The following SLC2A9 variants were observed in gnomAD, a reference collection of about 807,000 sequenced individuals.
SLC2A9 encodes the protein solute carrier family 2 member 9.
A neutral mutation model predicts 50.6 loss-of-function variants in SLC2A9; 39 were observed. The ratio of observed to expected loss-of-function variants is 0.77; its 90% CI spans 0.60 to 1.01. The LOEUF (loss-of-function observed/expected upper bound fraction) is 1.01. SLC2A9 is among the 50% of genes least tolerant of loss of function. The probability of loss-of-function intolerance (pLI) is 0.00; values close to 1 mark genes in which losing one functional copy is unlikely to be tolerated. For missense variants in SLC2A9, 686 were observed against 677.6 expected, an observed-to-expected ratio of 1.01 and a Z score of -0.14; for synonymous variants, 324 against 276.9, an observed-to-expected ratio of 1.17 and a Z score of -1.69.
At chr4:9,891,827 G>A (rs1223567748) in intron 8 of SLC2A9, among the ~76,000 whole-genome samples, 1 of 152,190 alleles carries the variant, frequency 6.6e-6, no homozygotes, top group Non-Finnish European at 1.5e-5. Flanking sequence ...AGGTTTTGGG[G>A]CTGGATGGTC....
intron 5 of SLC2A9, among the ~76,000 whole-genome samples, chr4:9,976,599 A>G (rs1578155604): frequency 6.6e-6 from 1 of 152,168 alleles, no homozygotes. Flanking sequence ...AGGGTTCCTC[A>G]CCCATCTTCC....
intron 5 of SLC2A9, among the ~76,000 whole-genome samples, chr4:9,963,108 A>G (rs957991288): frequency 6.6e-6 from 1 of 152,232 alleles, no homozygotes; most frequent in Non-Finnish European, 1.5e-5. Context: ...AATCATGGCC[A>G]AAGGCAAAGA....
intron 7 of SLC2A9, 58 bp downstream of exon 7, chr4:9,920,327 T>TC: frequency 6.3e-7 from 1 of 1,596,850 alleles, no homozygotes; most frequent in South Asian, 1.1e-5. Flanking sequence ...GCCCTGAACC[T>TC]CCCCACCCTC....
chr4:9,964,015 C>G (rs1230684356), intron 5 of SLC2A9, among the ~76,000 whole-genome samples: 2 of 152,082 alleles, frequency 1.3e-5, no homozygotes, highest in African/African-American at 4.8e-5. Context: ...GAGCCTGGAG[C>G]CAGGTCATAC....
chr4:9,991,954 G>C (rs2109232689), intron 3 of SLC2A9, among the ~76,000 whole-genome samples: 1 of 152,334 alleles, frequency 6.6e-6, no homozygotes, highest in Middle Eastern at 3.4e-3. Flanking sequence ...TACACTGAAG[G>C]CTCCTCCAGC....
intron 3 of SLC2A9, among the ~76,000 whole-genome samples, chr4:9,790,590 T>C (rs1719783570): frequency 6.6e-6 from 1 of 152,162 alleles, no homozygotes; most frequent in Admixed American, 6.5e-5. Flanking sequence ...ATGATTTCTA[T>C]TAGGAGTTTG....
At chr4:9,845,304 C>T (rs938231227) in intron 10 of SLC2A9, among the ~76,000 whole-genome samples, 3 of 151,690 alleles carry the variant, frequency 2.0e-5, no homozygotes, top group East Asian at 1.9e-4. Flanking sequence ...TGAGCCACCA[C>T]GCCCAGCCAA....
At chr4:9,967,046 T>C (rs1753158090) in intron 5 of SLC2A9, among the ~76,000 whole-genome samples, 1 of 152,230 alleles carries the variant, frequency 6.6e-6, no homozygotes. Context: ...CACTTGCTTA[T>C]TCTCTTGTGG....
At chr4:10,017,594 A>G (rs1380693615) in intron 2 of SLC2A9, among the ~76,000 whole-genome samples, 1 of 152,250 alleles carries the variant, frequency 6.6e-6, no homozygotes, top group African/African-American at 2.4e-5. Flanking sequence ...GCACCTCTGC[A>G]AAATTCCAGG....
chr4:9,905,566 C>T (rs1038951760), intron 8 of SLC2A9, among the ~76,000 whole-genome samples: 2 of 152,198 alleles, frequency 1.3e-5, no homozygotes, highest in Non-Finnish European at 2.9e-5. Context: ...AGTCATTTAC[C>T]CTCCTTTCTG....
chr4:9,897,257 C>T (rs1054750887), intron 8 of SLC2A9, among the ~76,000 whole-genome samples: 1 of 152,152 alleles, frequency 6.6e-6, no homozygotes, highest in Non-Finnish European at 1.5e-5. Context: ...AGTTTTTCTC[C>T]CTTCATTTGT....
At chr4:9,840,210 C>G (rs1051724906) in intron 10 of SLC2A9, among the ~76,000 whole-genome samples, 1 of 152,102 alleles carries the variant, frequency 6.6e-6, no homozygotes, top group Non-Finnish European at 1.5e-5. Flanking sequence ...AAGATACTAA[C>G]AAAACTTAAA....
Position 9,888,171 on chromosome 4 carries a change from G to A in SLC2A9, c.1216-529C>T, listed in dbSNP as rs573504261. 2.3e-3 allele frequency among the ~76,000 whole-genome samples: 354 copies of A among 151,690 alleles called. 13 individuals are homozygous for A. Among genetic ancestry groups the A allele is most frequent in the Admixed American group, 0.023 (350 of 15,202 alleles). On this transcript the variant is annotated intron_variant, in intron 9 of 11. Coordinates refer to ENST00000264784, the MANE Select transcript of SLC2A9 (RefSeq NM_020041.3). ...ATTAGGAGAAACACCTAATGTAGATGATGGGTTGATGGGTGCAGCCAACCA... is the reference window on the plus strand; with the variant it reads ...ATTAGGAGAAACACCTAATGTAGATAATGGGTTGATGGGTGCAGCCAACCA...
In SLC2A9 at chr4:9,799,696, C is replaced by CA. The variant is rs1721098164; in HGVS notation, n.421-456_421-455insT. ...TCTGAGCTCCATTCCAATTGTACCCCCCCCCCACCCAACTTCTACACCAGT... is the reference window on the plus strand; with the variant it reads ...TCTGAGCTCCATTCCAATTGTACCCCACCCCCCACCCAACTTCTACACCAGT... On this transcript the variant is annotated intron_variant and non_coding_transcript_variant, in intron 3 of 3. Transcript: ENST00000503280. 2.3e-4 allele frequency among the ~76,000 whole-genome samples: 15 copies of CA among 64,256 alleles called. 1 individual carries two copies. Among genetic ancestry groups the CA allele is most frequent in the Admixed American group, 7.0e-4 (5 of 7,104 alleles). The allele number at this position is 64,256 out of a possible 152,430, so 42.2% of individuals were successfully genotyped here.
chr4:9,839,753 A>G (rs566085474), intron 10 of SLC2A9, among the ~76,000 whole-genome samples: 1 of 152,158 alleles, frequency 6.6e-6, no homozygotes, highest in Non-Finnish European at 1.5e-5. Context: ...ACATTTTCTC[A>G]CTTATAAATG....
At chr4:9,871,898 T>C (rs1349128340) in intron 10 of SLC2A9, among the ~76,000 whole-genome samples, 1 of 152,116 alleles carries the variant, frequency 6.6e-6, no homozygotes, top group South Asian at 2.1e-4. Context: ...ATGAGGTGAA[T>C]TGCACAGCCA....
chr4:9,863,129 G>A (rs1380402761), intron 10 of SLC2A9, among the ~76,000 whole-genome samples: 1 of 151,898 alleles, frequency 6.6e-6, no homozygotes, highest in Non-Finnish European at 1.5e-5. Context: ...TGTAGTACCT[G>A]ATACATAGTA....
downstream of SLC2A9, among the ~76,000 whole-genome samples, chr4:9,795,310 G>A (rs1720467193): frequency 6.6e-6 from 1 of 152,092 alleles, no homozygotes; most frequent in Admixed American, 6.5e-5. Flanking sequence ...GTGCCCGGCT[G>A]CATTAACCCA....
chr4:9,851,764 A>G (rs996829916), intron 10 of SLC2A9, among the ~76,000 whole-genome samples: 3 of 152,224 alleles, frequency 2.0e-5, no homozygotes, highest in African/African-American at 7.2e-5. Context: ...TCACTTCAAG[A>G]ATGCATAATA....
Sources: allele counts gnomAD v4.1 joint callset (sites outside exome capture counted in the v4.1 genomes callset), GRCh38; gene constraint gnomAD v4.1.1; transcripts MANE v1.5; gene names NCBI Gene and HGNC (gene_info 2026-07-23, HGNC 2026-07-21).